The following GNA14 variants were observed in gnomAD, a reference collection of about 807,000 sequenced individuals.
The protein encoded by GNA14 is guanine nucleotide-binding protein subunit alpha-14.
In GNA14, 50 loss-of-function variants were observed where a neutral mutation model predicts 42.0. That is an observed-to-expected ratio of 1.19 (90% CI 0.95 to 1.51). GNA14 has a LOEUF of 1.51. GNA14 is among the 40% of genes most tolerant of loss of function. The pLI is 0.00. For missense variants in GNA14, 473 were observed against 446.2 expected (o/e 1.06, Z -0.54); for synonymous variants, 173 against 163.1 (o/e 1.06, Z -0.46).
At chr9:77,538,712 G>A (rs1170502191) in intron 1 of GNA14, among the ~76,000 whole-genome samples, 1 of 151,866 alleles carries the variant, frequency 6.6e-6, no homozygotes, top group African/African-American at 2.4e-5. Context: ...TTGCTTTCTT[G>A]ATTTCTTTTT....
rs557694574 is a variant in GNA14, at chr9:77,587,180, T to C, written c.125-57927A>G. Among the ~76,000 whole-genome samples the C allele has an allele frequency of 2.0e-5, 3 of 152,268 alleles. No homozygotes were observed. In the East Asian group the frequency reaches 5.8e-4, roughly 29 times the overall value. Reference sequence around the variant, plus strand: ...AGGATGTGGAGAATTGGAAACCTTATGCATTCCAGTTATTTGGTGGGAATG... The same window carrying C: ...AGGATGTGGAGAATTGGAAACCTTACGCATTCCAGTTATTTGGTGGGAATG... On this transcript the variant is annotated intron_variant, in intron 1 of 6. Transcript: ENST00000341700.
chr9:77,577,576 C>T (rs563790190), intron 1 of GNA14, among the ~76,000 whole-genome samples: 1 of 152,302 alleles, frequency 6.6e-6, no homozygotes, highest in East Asian at 1.9e-4. Context: ...CTTCTGTTCA[C>T]CAAAGAGACT....
intron 1 of GNA14, among the ~76,000 whole-genome samples, chr9:77,623,820 T>C (rs1823972175): frequency 6.6e-6 from 1 of 152,160 alleles, no homozygotes; most frequent in African/African-American, 2.4e-5. Flanking sequence ...CGCCATGGAT[T>C]TGAAGCACAA....
At chr9:77,625,177 C>T (rs186675469) in intron 1 of GNA14, among the ~76,000 whole-genome samples, 463 of 151,508 alleles carry the variant, frequency 3.1e-3, no homozygotes, top group African/African-American at 0.011. Context: ...ATCAACTTAA[C>T]GAAATAAAGC....
chr9:77,606,034 G>C (rs1174173549), intron 1 of GNA14, among the ~76,000 whole-genome samples: 1 of 152,124 alleles, frequency 6.6e-6, no homozygotes, highest in South Asian at 2.1e-4. Context: ...AAACAATGAA[G>C]TGGTTCAGGA....
At chr9:77,564,793 A>C (rs2131791370) in intron 1 of GNA14, among the ~76,000 whole-genome samples, 1 of 151,944 alleles carries the variant, frequency 6.6e-6, no homozygotes, top group East Asian at 1.9e-4. Context: ...AGATTGTACC[A>C]CTGCACTCCA....
At chr9:77,577,904 A>G (rs1283973648) in intron 1 of GNA14, among the ~76,000 whole-genome samples, 1 of 152,150 alleles carries the variant, frequency 6.6e-6, no homozygotes, top group Non-Finnish European at 1.5e-5. Context: ...GTATGAAGAT[A>G]CTCATCATCA....
chr9:77,471,513 A>G (rs1403571874), intron 2 of GNA14, among the ~76,000 whole-genome samples: 1 of 152,184 alleles, frequency 6.6e-6, no homozygotes, highest in Non-Finnish European at 1.5e-5. Context: ...AACATTAAAT[A>G]AACTTGAAAG....
chr9:77,431,801 C>CA (rs1398237120), intron 3 of GNA14: 1 of 203,496 alleles, frequency 4.9e-6, no homozygotes, highest in African/African-American at 2.3e-5. Flanking sequence ...CCCCATCTGT[C>CA]ATCCTCCCTC....
At chr9:77,644,392 G>A (rs963572479) in intron 1 of GNA14, among the ~76,000 whole-genome samples, 4 of 138,228 alleles carry the variant, frequency 2.9e-5, no homozygotes, top group South Asian at 2.4e-4. Flanking sequence ...GGTCAAGGCC[G>A]TAGGAAGCCG....
chr9:77,525,566 T>G, intron 2 of GNA14, among the ~76,000 whole-genome samples: 1 of 144,068 alleles, frequency 6.9e-6, no homozygotes, highest in African/African-American at 2.6e-5. Flanking sequence ...TGAGATGGAG[T>G]CTCGCTCTGT....
Position 77,637,576 on chromosome 9 carries a change from G to A in GNA14, c.124+10094C>T, listed in dbSNP as rs1264412651. On this transcript the variant is annotated intron_variant, in intron 1 of 6. Transcript: ENST00000341700. ...TCTATTCTATTGTTAAAGTTGTTGA[G>A]CTGGGTGCAGTGGCTCATGCCTGTG... Among the ~76,000 whole-genome samples the A allele has an allele frequency of 3.9e-5, 6 of 152,328 alleles. No homozygotes were observed. In the East Asian group the frequency reaches 1.2e-3, roughly 29 times the overall value.
At chr9:77,479,255 C>T (rs1379060800) in intron 2 of GNA14, among the ~76,000 whole-genome samples, 1 of 152,200 alleles carries the variant, frequency 6.6e-6, no homozygotes, top group African/African-American at 2.4e-5. Context: ...AGCCAGTTTT[C>T]CCAGCACCAT....
Position 77,530,862 on chromosome 9 carries a change from G to A in GNA14, c.125-1609C>T, listed in dbSNP as rs78062885. 1.1e-4 allele frequency among the ~76,000 whole-genome samples: 16 copies of A among 152,332 alleles called. No individual in the cohort carries two copies. In the East Asian group the frequency reaches 2.7e-3, roughly 26 times the overall value. Reference sequence around the variant, plus strand: ...TCCAGAGACAGGATAGGTAGACACTGTCCTCCCATCTCAGAGACCAGAAAA... The same window carrying A: ...TCCAGAGACAGGATAGGTAGACACTATCCTCCCATCTCAGAGACCAGAAAA... On this transcript the variant is annotated intron_variant, in intron 1 of 6. Transcript: ENST00000341700.
chr9:77,534,094 C>A (rs1222942603), intron 1 of GNA14, among the ~76,000 whole-genome samples: 1 of 152,174 alleles, frequency 6.6e-6, no homozygotes, highest in East Asian at 1.9e-4. Context: ...AGTGAAAGAC[C>A]AGTATTATTT....
chr9:77,434,534 A>T lies in GNA14; in HGVS notation c.310-12T>A, dbSNP rs373685835. Reference sequence around the variant, plus strand: ...ATCTGGGCATTTTCCTACTCAAAGGAAAGAGAACCTTGCATCAGGCAAAGG... The same window carrying T: ...ATCTGGGCATTTTCCTACTCAAAGGTAAGAGAACCTTGCATCAGGCAAAGG... On this transcript the variant is annotated splice_polypyrimidine_tract_variant and intron_variant, in intron 2 of 6. Transcript: ENST00000341700. The T allele has an allele frequency of 6.2e-7, 1 of 1,610,562 alleles. No individual in the cohort carries two copies. The highest frequency in any genetic ancestry group is 2.2e-5 in the East Asian group (1 of 44,844).
intron 2 of GNA14, among the ~76,000 whole-genome samples, chr9:77,516,307 T>C (rs1409316364): frequency 6.6e-6 from 1 of 152,238 alleles, no homozygotes; most frequent in Non-Finnish European, 1.5e-5. Context: ...TCTCCTTGTC[T>C]AAGTTTCCTA....
At chr9:77,469,250 G>C (rs1385364602) in intron 2 of GNA14, among the ~76,000 whole-genome samples, 1 of 151,468 alleles carries the variant, frequency 6.6e-6, no homozygotes, top group Non-Finnish European at 1.5e-5. Context: ...TTAGGGACAA[G>C]GAAAGCTGGG....
At chr9:77,518,520 T>C (rs964507032) in intron 2 of GNA14, among the ~76,000 whole-genome samples, 8 of 152,088 alleles carry the variant, frequency 5.3e-5, no homozygotes, top group Admixed American at 3.3e-4. Context: ...TGGTCTGTCA[T>C]AATGGTCTCC....
Sources: allele counts gnomAD v4.1 joint callset (sites outside exome capture counted in the v4.1 genomes callset), GRCh38; gene constraint gnomAD v4.1.1; transcripts MANE v1.5; gene names NCBI Gene and HGNC (gene_info 2026-07-23, HGNC 2026-07-21).